The following SYNPO2 variants were observed in gnomAD, a reference collection of about 807,000 sequenced individuals.
The protein encoded by SYNPO2 is synaptopodin 2, also known as synaptopodin-2.
Under a neutral mutation model 85.0 loss-of-function variants are expected in SYNPO2, and 56 were observed. The ratio of observed to expected loss-of-function variants is 0.66; its 90% confidence interval spans 0.53 to 0.82. The LOEUF (loss-of-function observed/expected upper bound fraction) is 0.82, where lower values mean the gene tolerates loss of function less well. Ranked by LOEUF, SYNPO2 falls within the 40% of genes least tolerant of loss-of-function variation. The pLI, the probability that SYNPO2 is intolerant of heterozygous loss-of-function variation, is 0.00. For synonymous variants in SYNPO2, 602 were observed against 591.1 expected, an observed-to-expected ratio of 1.02 and a Z score of -0.27; for missense variants, 1,575 against 1,534.2, an observed-to-expected ratio of 1.03 and a Z score of -0.44.
chr4:118,880,391 G>A (rs1271433359), intron 1 of SYNPO2, among the ~76,000 whole-genome samples: 1 of 151,990 alleles, frequency 6.6e-6, no homozygotes, highest in Non-Finnish European at 1.5e-5. Flanking sequence ...GATTTTGGGG[G>A]GTATAATTTA....
chr4:118,881,389 T>A (rs1167429762), intron 1 of SYNPO2, among the ~76,000 whole-genome samples: 8 of 151,596 alleles, frequency 5.3e-5, no homozygotes, highest in Non-Finnish European at 7.4e-5. Flanking sequence ...GAAGTGACCA[T>A]CTGCAAGTCA....
At chr4:119,022,475 G>A (rs1010775561) in intron 1 of SYNPO2, among the ~76,000 whole-genome samples, 1 of 93,320 alleles carries the variant, frequency 1.1e-5, no homozygotes, top group African/African-American at 4.0e-5. Context: ...TCACAGGCAT[G>A]CACCACCAAG....
intron 4 of SYNPO2, among the ~76,000 whole-genome samples, chr4:119,050,414 G>A (rs1264180622): frequency 6.6e-6 from 1 of 151,956 alleles, no homozygotes; most frequent in Non-Finnish European, 1.5e-5. Context: ...GTATGAGACT[G>A]CCTGCCTGGG....
intron 4 of SYNPO2, among the ~76,000 whole-genome samples, chr4:119,051,192 T>G (rs1199040725): frequency 3.0e-5 from 4 of 135,466 alleles, no homozygotes; most frequent in African/African-American, 8.3e-5. Context: ...AGCAATTTTT[T>G]TTTTTTTTTT....
intron 1 of SYNPO2, among the ~76,000 whole-genome samples, chr4:118,910,518 T>C (rs1410660389): frequency 6.6e-6 from 1 of 151,992 alleles, no homozygotes; most frequent in East Asian, 1.9e-4. Flanking sequence ...TTATGAGAAA[T>C]ATGGTGCACT....
At chr4:119,037,624 C>T (rs1738571073) in intron 4 of SYNPO2, 1 of 986,646 alleles carries the variant, frequency 1.0e-6, no homozygotes, top group Non-Finnish European at 1.2e-6. Context: ...CAAATAATCT[C>T]ATGGGTCCTG....
At position 118,900,476 on chromosome 4, in the gene SYNPO2, C is replaced by T. The variant is rs147488771; in HGVS notation, c.105+11335C>T. On this transcript the variant is annotated intron_variant, in intron 1 of 4. Transcript: ENST00000307142. ...GTATGATATAAAAACTTTTCCTAGT[C>T]ACTCCCTATATCATTGCTACATTTT... Among the ~76,000 whole-genome samples, 122 of 152,076 alleles carry T rather than the reference C, an allele frequency of 8.0e-4. 1 individual carries two copies. Among genetic ancestry groups the T allele is most frequent in the African/African-American group, 2.8e-3 (116 of 41,480 alleles).
At chr4:118,935,244 T>G (rs1229725884) in intron 1 of SYNPO2, among the ~76,000 whole-genome samples, 1 of 152,184 alleles carries the variant, frequency 6.6e-6, no homozygotes, top group African/African-American at 2.4e-5. Flanking sequence ...CTAAATCTTT[T>G]GCAAAATAAC....
chr4:119,044,447 A>AT (rs944673297), intron 4 of SYNPO2, among the ~76,000 whole-genome samples: 1 of 152,098 alleles, frequency 6.6e-6, no homozygotes, highest in Non-Finnish European at 1.5e-5. Context: ...ATTGAGCATA[A>AT]TTTTTTTCTA....
At chr4:119,021,552 C>A (rs1737720829) in intron 1 of SYNPO2, among the ~76,000 whole-genome samples, 1 of 152,104 alleles carries the variant, frequency 6.6e-6, no homozygotes, top group Admixed American at 6.6e-5. Context: ...ATACATGGTT[C>A]ATTGAGAACA....
chr4:118,865,910 A>G (rs146752320), intron 1 of SYNPO2, among the ~76,000 whole-genome samples: 216 of 152,238 alleles, frequency 1.4e-3, no homozygotes, highest in African/African-American at 4.8e-3. Context: ...TCATAAGGTA[A>G]ATGATAAAGT....
intron 1 of SYNPO2, among the ~76,000 whole-genome samples, chr4:118,970,023 T>A (rs1735477799): frequency 6.6e-6 from 1 of 152,206 alleles, no homozygotes; most frequent in Admixed American, 6.5e-5. Context: ...AGGTAAAATT[T>A]CTGTTCATTG....
intron 1 of SYNPO2, among the ~76,000 whole-genome samples, chr4:118,944,483 C>T (rs1734427987): frequency 6.6e-6 from 1 of 152,070 alleles, no homozygotes; most frequent in African/African-American, 2.4e-5. Flanking sequence ...TTGGGAGTAG[C>T]AGAACAACTT....
intron 4 of SYNPO2, among the ~76,000 whole-genome samples, chr4:119,039,422 C>G (rs1025363279): frequency 1.3e-5 from 2 of 152,114 alleles, no homozygotes; most frequent in Non-Finnish European, 2.9e-5. Flanking sequence ...CAAAGTTACA[C>G]TAAACCTTCT....
chr4:118,899,230 T>C (rs1379080511), intron 1 of SYNPO2, among the ~76,000 whole-genome samples: 2 of 152,206 alleles, frequency 1.3e-5, no homozygotes, highest in African/African-American at 4.8e-5. Flanking sequence ...ATATAAAATA[T>C]AGTATATATG....
intron 1 of SYNPO2, among the ~76,000 whole-genome samples, chr4:119,014,605 A>G (rs1737456846): frequency 6.6e-6 from 1 of 152,198 alleles, no homozygotes; most frequent in Non-Finnish European, 1.5e-5. Context: ...GTAAATATCA[A>G]TAGACCAAAC....
chr4:118,981,378 T>C (rs929128706), intron 1 of SYNPO2, among the ~76,000 whole-genome samples: 1 of 152,106 alleles, frequency 6.6e-6, no homozygotes, highest in Non-Finnish European at 1.5e-5. Flanking sequence ...TGAGAGACTT[T>C]TGGTGGTGGC....
intron 4 of SYNPO2, chr4:119,034,371 G>T: frequency 1.0e-6 from 1 of 975,990 alleles, no homozygotes; most frequent in Middle Eastern, 5.3e-4. Flanking sequence ...TTGTCTAGTG[G>T]TGTGGTATGC....
rs1377458483 is a variant in SYNPO2, at chr4:119,031,908, A to G, written c.3133A>G (p.Ser1045Gly). ...CTTTGCAGAGGCCTCCTCACCAGTC[A>G]GTGCATCCCCAGTGCCTGTGGGCAT... ...SFFAEASSPVSASPVPVGIPT... is the reference protein window; with the variant it reads ...SFFAEASSPVGASPVPVGIPT... The change falls in exon 4 of 5, where the codon AGT (serine) becomes GGT (glycine). Residue 1045 changes from serine to glycine, a missense_variant. Coordinates refer to ENST00000307142, the MANE Select transcript of SYNPO2 (RefSeq NM_133477.3). The G allele has an allele frequency of 1.2e-6, 2 of 1,614,220 alleles. No individual in the cohort carries two copies. Among genetic ancestry groups the G allele is most frequent in the Non-Finnish European group, 1.7e-6 (2 of 1,180,050 alleles).
Sources: gnomAD v4.1 joint callset for allele counts (sites outside exome capture counted in the v4.1 genomes callset) on GRCh38, gnomAD v4.1.1 for gene constraint, MANE v1.5 for transcripts, NCBI Gene and HGNC (gene_info 2026-07-23, HGNC 2026-07-21) for gene names.